Variants in PLXNB2 observed in about 807,000 individuals in gnomAD.
The protein encoded by PLXNB2 is plexin B2, also known as plexin-B2.
Under a neutral mutation model 202.6 loss-of-function variants are expected in PLXNB2, and 85 were observed. That is an observed-to-expected ratio of 0.42 (90% CI 0.35 to 0.50). PLXNB2 has a LOEUF of 0.50. PLXNB2 is among the 20% of genes least tolerant of loss of function. The pLI, the probability that PLXNB2 is intolerant of heterozygous loss-of-function variation, is 0.02. For missense variants in PLXNB2, 2,063 were observed against 2,586.2 expected (o/e 0.80, Z 4.39); for synonymous variants, 1,239 against 1,137.6 (o/e 1.09, Z -1.79).
At chr22:50,301,422 A>T (rs1601778845) in intron 1 of PLXNB2, 1 of 910,420 alleles carries the variant, frequency 1.1e-6, no homozygotes, top group African/African-American at 1.8e-5. Context: ...CACGAGGCCG[A>T]TGGCTACAGC....
chr22:50,283,132 T>A lies in PLXNB2; in HGVS notation c.2734A>T (p.Thr912Ser). ...PQQGPQAGGT[T>S]LTIHGTHLDT... ...AGGTGGGTGCCGTGGATGGTCAGTG[T>A]GGTGCCGCCCGCCTGCGGTCCCTGC... Residue 912 changes from threonine to serine, a missense_variant, in exon 17 of 37, where the codon ACA (threonine) becomes TCA (serine). By Grantham distance (58) the Thr-to-Ser change is moderately conservative. Around this residue, in one of 2 missense-constraint regions of PLXNB2, gnomAD observed 1,303 missense variants for 1,476.8 expected, o/e 0.88. Coordinates refer to ENST00000359337, the MANE Select transcript of PLXNB2 (RefSeq NM_012401.4). 1 of 1,598,890 alleles carries A rather than the reference T, an allele frequency of 6.3e-7. No homozygotes were observed. The highest frequency in any genetic ancestry group is 8.5e-7 in the Non-Finnish European group (1 of 1,174,142).
intron 1 of PLXNB2, among the ~76,000 whole-genome samples, chr22:50,299,357 G>A (rs1024912131): frequency 6.6e-6 from 1 of 152,032 alleles, no homozygotes; most frequent in Admixed American, 6.5e-5. Flanking sequence ...GTGAGCGATA[G>A]GCTGCCCCAA....
At chr22:50,281,797 C>T (rs2066011354) in intron 20 of PLXNB2, 55 bp from the exon 21 acceptor site, 19 of 1,575,334 alleles carry the variant, frequency 1.2e-5, no homozygotes, top group Non-Finnish European at 1.6e-5. Flanking sequence ...ACAGGTGGAC[C>T]AGCTCTCAGC....
In PLXNB2 at chr22:50,283,859, C is replaced by T. The variant is rs953636958; in HGVS notation, c.2395G>A (p.Glu799Lys). The change falls in exon 14 of 37, where the codon GAG (glutamate) becomes AAG (lysine). Residue 799 changes from glutamate (E) to lysine (K), a missense_variant. Physicochemically the swap from Glu to Lys is moderately conservative, Grantham distance 56 (BLOSUM62 1). This residue lies in a region of PLXNB2 where 1,303 missense variants were observed against 1,476.8 expected (regional missense o/e 0.88). Transcript: ENST00000359337. ...VYEALCNTTS[E>K]CPPPVITRIQ... ...CTGGTGATGACGGGCGGCGGGCACT[C>T]GGAGGTGGTGTTGCACAGGGCCTCA... 6 of 1,608,666 alleles carry T rather than the reference C, an allele frequency of 3.7e-6. No individual in the cohort carries two copies. The highest frequency in any genetic ancestry group is 3.4e-5 in the Admixed American group (2 of 59,566).
Position 50,281,953 on chromosome 22 carries a change from G to C in PLXNB2, c.3246C>G (p.Leu1082=), listed in dbSNP as rs901908016. The C allele has an allele frequency of 3.7e-6, 6 of 1,613,128 alleles. No homozygotes were observed. Among genetic ancestry groups the C allele is most frequent in the Non-Finnish European group, 4.2e-6 (5 of 1,179,984 alleles). ...LIEMDGHRAL[L]RTEAGAFEYV... is the part of the protein sequence containing the mutation. ...ACTCGAAGGCCCCGGCCTCTGTTCTGAGCAGGGCACGGTGCCCGTCCATCT... is the reference window on the plus strand; with the variant it reads ...ACTCGAAGGCCCCGGCCTCTGTTCTCAGCAGGGCACGGTGCCCGTCCATCT... The change falls in exon 20 of 37, where the codon CTC becomes CTG. Residue 1082 remains leucine (L), a synonymous_variant. Transcript: ENST00000359337.
intron 1 of PLXNB2, among the ~76,000 whole-genome samples, chr22:50,301,714 C>G (rs2067700396): frequency 6.6e-6 from 1 of 152,242 alleles, no homozygotes; most frequent in African/African-American, 2.4e-5. Flanking sequence ...CTTCTCACCC[C>G]CGGGGTGGGC....
intron 1 of PLXNB2, among the ~76,000 whole-genome samples, chr22:50,296,657 C>T (rs1339497098): frequency 6.6e-6 from 1 of 151,732 alleles, no homozygotes; most frequent in Non-Finnish European, 1.5e-5. Context: ...CTCCACTCTG[C>T]CTCAAGATGT....
chr22:50,300,754 A>AT (rs2067637222), intron 1 of PLXNB2, among the ~76,000 whole-genome samples: 1 of 152,174 alleles, frequency 6.6e-6, no homozygotes, highest in African/African-American at 2.4e-5. Flanking sequence ...GGGTCCCAGC[A>AT]GGAAAAGTCA....
intron 20 of PLXNB2, 39 bp downstream of exon 20, chr22:50,281,815 C>T (rs769119727): frequency 8.2e-6 from 13 of 1,592,158 alleles, no homozygotes; most frequent in African/African-American, 5.4e-5. Flanking sequence ...AGCCCAGACC[C>T]GAGCAGGACC....
chr22:50,290,676 A>C lies in PLXNB2; in HGVS notation c.-13-79T>G. On this transcript the variant is annotated intron_variant, in intron 2 of 36. Coordinates refer to ENST00000359337, the MANE Select transcript of PLXNB2 (RefSeq NM_012401.4). ...AATCCCTCTCCAGTCCCTGCCCCAA[A>C]CGTCAGAACATGGGAGAGAGGGTCA... is the stretch of plus-strand genomic sequence containing the variant. 16 of 1,393,074 alleles carry C rather than the reference A, an allele frequency of 1.1e-5. 1 individual carries two copies. Among genetic ancestry groups the C allele is most frequent in the Non-Finnish European group, 1.5e-5 (16 of 1,054,048 alleles). The allele number at this position is 1,393,074 out of a possible 1,614,324, so 86.3% of individuals were successfully genotyped here.
At chr22:50,304,321 G>A (rs150897588) in intron 1 of PLXNB2, among the ~76,000 whole-genome samples, 7 of 152,202 alleles carry the variant, frequency 4.6e-5, no homozygotes, top group East Asian at 3.9e-4. Context: ...CACTGGGGGG[G>A]TGCGGGGTGC....
chr22:50,299,323 G>A (rs898331808), intron 1 of PLXNB2, among the ~76,000 whole-genome samples: 1 of 149,754 alleles, frequency 6.7e-6, no homozygotes, highest in Non-Finnish European at 1.5e-5. Context: ...CGGTGCGGGG[G>A]CGGGGGAAGC....
chr22:50,277,876 G>A lies in PLXNB2; in HGVS notation c.5025C>T (p.Thr1675=). 6.2e-7 allele frequency: 1 copy of A among 1,613,106 alleles called. No homozygotes were observed. Among genetic ancestry groups the A allele is most frequent in the Non-Finnish European group, 8.5e-7 (1 of 1,179,936 alleles). The part of the protein sequence containing the change: ...AEKHNIQDED[T]IHIWKTNSLP... ...ACCTGTTCGTCTTCCAGATGTGGAT[G>A]GTGTCTTCATCCTGGATGTTGTGCT... The change falls in exon 32 of 37, where the codon ACC becomes ACT. Residue 1675 remains threonine, a synonymous_variant. Transcript: ENST00000359337.
intron 35 of PLXNB2, 66 bp downstream of exon 35, chr22:50,276,563 G>A (rs904614706): frequency 2.4e-5 from 33 of 1,349,534 alleles, no homozygotes; most frequent in Non-Finnish European, 3.2e-5. Flanking sequence ...GCAGCTCAGG[G>A]CCAGGCTCAG....
chr22:50,294,791 G>T lies in PLXNB2; in HGVS notation c.-73-13C>A. On this transcript the variant is annotated splice_polypyrimidine_tract_variant and intron_variant, in intron 1 of 36. Transcript: ENST00000359337. ...GCATCGAGATTCTCTAGGAGGCAAA[G>T]GAGAGACGCCGGTCACAAGAGGAGC... 2.0e-6 allele frequency: 2 copies of T among 984,992 alleles called. No individual in the cohort carries two copies. Among genetic ancestry groups the T allele is most frequent in the Non-Finnish European group, 2.4e-6 (2 of 829,442 alleles). The allele number at this position is 984,992 out of a possible 1,614,324, so 61.0% of individuals were successfully genotyped here. A position where few individuals can be genotyped will look rare whatever the true frequency, so the allele number is the denominator to read the frequency against.
At position 50,278,448 on chromosome 22, in the gene PLXNB2, G is replaced by A; in HGVS notation, c.4719C>T (p.Asp1573=). The A allele has an allele frequency of 6.4e-7, 1 of 1,559,384 alleles. No homozygotes were observed. The highest frequency in any genetic ancestry group is 8.7e-7 in the Non-Finnish European group (1 of 1,151,760). ...VSQQPEDSQQ[D]LPGERHALLE... Reference sequence around the variant, plus strand: ...GGAGGGACTCACGCTCCCCAGGCAGGTCCTGCTGGCTGTCCTCCGGCTGCT... The same window carrying A: ...GGAGGGACTCACGCTCCCCAGGCAGATCCTGCTGGCTGTCCTCCGGCTGCT... Residue 1573 remains aspartate (D), a synonymous_variant, in exon 30 of 37, where the codon GAC becomes GAT. Coordinates refer to ENST00000359337, the MANE Select transcript of PLXNB2 (RefSeq NM_012401.4).
chr22:50,275,736 C>T lies in PLXNB2; in HGVS notation c.5485G>A (p.Ala1829Thr), dbSNP rs750555906. The change falls in exon 37 of 37, where the codon GCT (alanine) becomes ACT (threonine). Residue 1829 changes from alanine (A) to threonine (T), a missense_variant. By Grantham distance (58) the Ala-to-Thr change is moderately conservative. Transcript: ENST00000359337. ...TCAGTGACCTTGTTCTCCAGTGCAG[C>T]GGCAATCTGCTGCAGGCGGAAGGCC... ...QLAFRLQQIA[A>T]ALENKVTDL 3.7e-6 allele frequency: 6 copies of T among 1,611,222 alleles called. No homozygotes were observed. In the East Asian group the frequency reaches 6.7e-5, roughly 18 times the overall value.
Position 50,284,686 on chromosome 22 carries a change from A to T in PLXNB2, c.2089-21T>A. 6.3e-7 allele frequency: 1 copy of T among 1,592,686 alleles called. No individual in the cohort carries two copies. The highest frequency in any genetic ancestry group is 8.6e-7 in the Non-Finnish European group (1 of 1,162,318). On this transcript the variant is annotated intron_variant, in intron 11 of 36. Transcript: ENST00000359337. The surrounding 1 kb of genome is among the most constrained non-coding windows in gnomAD (Gnocchi z 8.0). ...GAACCCTGCAGACCATGCCGTCAGG[A>T]CCCTGGACAGGCGGCTGTGGCACCC...
In PLXNB2 at chr22:50,280,530, C is replaced by A; in HGVS notation, c.4134G>T (p.Glu1378Asp). 1 of 1,611,542 alleles carries A rather than the reference C, an allele frequency of 6.2e-7. No homozygotes were observed. The highest frequency in any genetic ancestry group is 8.5e-7 in the Non-Finnish European group (1 of 1,179,792). Residue 1378 changes from glutamate to aspartate, a missense_variant, in exon 25 of 37, where the codon GAG becomes GAT. Physicochemically the swap from Glu to Asp is conservative, Grantham distance 45. Around this residue, in one of 2 missense-constraint regions of PLXNB2, gnomAD observed 760 missense variants for 1,109.4 expected, o/e 0.69. Transcript: ENST00000359337. ...IMHTLFLELL[E>D]QYVVAKNPKL... ...TGGGGTTCTTGGCCACCACGTACTG[C>A]TCCAGGAGCTCCAGGAAGAGCGTGT...
Sources: allele counts gnomAD v4.1 joint callset (sites outside exome capture counted in the v4.1 genomes callset), GRCh38; gene constraint gnomAD v4.1.1; regional missense constraint gnomAD v4.1.1; non-coding constraint Gnocchi (gnomAD v3.1); transcripts MANE v1.5; gene names NCBI Gene and HGNC (gene_info 2026-07-23, HGNC 2026-07-21).